The following STXBP5L variants were observed in gnomAD, a reference collection of about 807,000 sequenced individuals.
STXBP5L encodes syntaxin-binding protein 5-like.
STXBP5L carries 65 observed loss-of-function variants against 144.5 expected under a neutral mutation model. That is an observed-to-expected ratio of 0.45 (90% confidence interval 0.37 to 0.55). STXBP5L has a LOEUF of 0.55. STXBP5L is among the 20% of genes least tolerant of loss of function. The pLI, the probability that STXBP5L is intolerant of heterozygous loss-of-function variation, is 0.00. For missense variants in STXBP5L, 1,298 were observed against 1,405.5 expected, an observed-to-expected ratio of 0.92 and a Z score of 1.22; for synonymous variants, 505 against 469.6, an observed-to-expected ratio of 1.08 and a Z score of -0.97.
At chr3:121,149,566 A>G (rs1309960847) in intron 7 of STXBP5L, among the ~76,000 whole-genome samples, 6 of 152,060 alleles carry the variant, frequency 3.9e-5, no homozygotes, top group Admixed American at 3.9e-4. Flanking sequence ...ATGATAATAT[A>G]TCTGGAATGG....
At chr3:121,185,655 A>G (rs1431156771) in intron 9 of STXBP5L, among the ~76,000 whole-genome samples, 1 of 152,088 alleles carries the variant, frequency 6.6e-6, no homozygotes, top group East Asian at 1.9e-4. Context: ...CCATTGGTGT[A>G]TATCTCTGTT....
At chr3:121,193,989 TAAA>T (rs1468333314) in intron 9 of STXBP5L, among the ~76,000 whole-genome samples, 2 of 131,162 alleles carry the variant, frequency 1.5e-5, no homozygotes, top group African/African-American at 5.7e-5. Context: ...ATAATAATAA[TAAA>T]AAGAAATTTT....
At chr3:121,103,766 G>A (rs560191390) in intron 5 of STXBP5L, among the ~76,000 whole-genome samples, 10 of 152,262 alleles carry the variant, frequency 6.6e-5, no homozygotes, top group Admixed American at 6.5e-4. Flanking sequence ...AATGACTTCT[G>A]TTGGTTAAGA....
chr3:121,369,559 G>T (rs1369703589), intron 20 of STXBP5L, among the ~76,000 whole-genome samples: 1 of 149,776 alleles, frequency 6.7e-6, no homozygotes, highest in Non-Finnish European at 1.5e-5. Flanking sequence ...GTGGTGTCGT[G>T]GTTCTTTGAT....
chr3:121,351,534 G>C (rs1272699157), intron 20 of STXBP5L, among the ~76,000 whole-genome samples: 1 of 152,086 alleles, frequency 6.6e-6, no homozygotes, highest in Non-Finnish European at 1.5e-5. Context: ...TTTTGATGGG[G>C]TTGTTTGTTT....
chr3:121,171,953 A>G (rs2046735644), intron 9 of STXBP5L, among the ~76,000 whole-genome samples: 1 of 152,230 alleles, frequency 6.6e-6, no homozygotes, highest in Admixed American at 6.5e-5. Flanking sequence ...TTCAAACTAT[A>G]CTACAAGGCT....
intron 5 of STXBP5L, among the ~76,000 whole-genome samples, chr3:121,080,519 G>T (rs1415125821): frequency 3.9e-5 from 6 of 152,154 alleles, no homozygotes. Context: ...TGGTGTGGTA[G>T]TGGCAAATTC....
At chr3:121,347,092 C>T (rs1298936174) in intron 20 of STXBP5L, among the ~76,000 whole-genome samples, 1 of 152,126 alleles carries the variant, frequency 6.6e-6, no homozygotes, top group Non-Finnish European at 1.5e-5. Flanking sequence ...TTAGGTCTAA[C>T]ATTTAAGTCT....
chr3:120,949,022 C>G (rs1300848855), intron 2 of STXBP5L, among the ~76,000 whole-genome samples: 1 of 151,932 alleles, frequency 6.6e-6, no homozygotes, highest in Non-Finnish European at 1.5e-5. Flanking sequence ...TATATTCCCA[C>G]CAGCAGTGTA....
At chr3:121,364,132 G>A (rs2045797850) in intron 20 of STXBP5L, among the ~76,000 whole-genome samples, 1 of 151,984 alleles carries the variant, frequency 6.6e-6, no homozygotes, top group African/African-American at 2.4e-5. Context: ...ATTAACTTTT[G>A]CCCTTTGTAG....
chr3:121,122,528 G>A (rs1240287234), intron 7 of STXBP5L, among the ~76,000 whole-genome samples: 1 of 151,406 alleles, frequency 6.6e-6, no homozygotes, highest in East Asian at 1.9e-4. Context: ...GGGTACACAA[G>A]AGGACCAATG....
intron 3 of STXBP5L, among the ~76,000 whole-genome samples, chr3:121,007,587 A>T (rs925957938): frequency 1.3e-5 from 2 of 152,028 alleles, no homozygotes; most frequent in Non-Finnish European, 2.9e-5. Context: ...TCTCCTCAGG[A>T]ATGAGATATT....
intron 11 of STXBP5L, among the ~76,000 whole-genome samples, chr3:121,230,258 A>G (rs1233942151): frequency 1.3e-5 from 2 of 152,218 alleles, no homozygotes; most frequent in Non-Finnish European, 2.9e-5. Context: ...AAGTCAAATA[A>G]TTCAGAGGAC....
chr3:121,255,561 A>G (rs933848957), intron 16 of STXBP5L, among the ~76,000 whole-genome samples: 31 of 152,090 alleles, frequency 2.0e-4, no homozygotes, highest in Middle Eastern at 3.4e-3. Flanking sequence ...ATAGTTATTG[A>G]TTTATTTTTG....
At chr3:121,064,520 A>G (rs756228444) in intron 5 of STXBP5L, among the ~76,000 whole-genome samples, 12 of 152,180 alleles carry the variant, frequency 7.9e-5, no homozygotes, top group Non-Finnish European at 1.6e-4. Flanking sequence ...GAATCTATAG[A>G]TCATTTTCGG....
At chr3:121,194,491 T>C (rs2047840972) in intron 9 of STXBP5L, among the ~76,000 whole-genome samples, 1 of 140,794 alleles carries the variant, frequency 7.1e-6, no homozygotes, top group African/African-American at 2.6e-5. Flanking sequence ...GCTATGATCA[T>C]GCCACTGCAC....
At chr3:121,158,458 A>C (rs1354719440) in intron 9 of STXBP5L, 1 of 152,156 alleles carries the variant, frequency 6.6e-6, no homozygotes, top group Admixed American at 6.6e-5. Context: ...TCTTAGAATT[A>C]TTTCATGCTG....
chr3:121,383,163 G>A (rs2046356524), intron 22 of STXBP5L, among the ~76,000 whole-genome samples: 1 of 151,974 alleles, frequency 6.6e-6, no homozygotes, highest in Non-Finnish European at 1.5e-5. Context: ...ATTGCTGGGT[G>A]CAGTGGCTCA....
At chr3:121,266,128 T>C (rs192873617) in intron 18 of STXBP5L, among the ~76,000 whole-genome samples, 74 of 152,326 alleles carry the variant, frequency 4.9e-4, no homozygotes, top group Non-Finnish European at 8.2e-4. Context: ...ACTCATTTTA[T>C]GTGGCCAGCA....
Sources: allele counts gnomAD v4.1 joint callset (sites outside exome capture counted in the v4.1 genomes callset), GRCh38; gene constraint gnomAD v4.1.1; transcripts MANE v1.5; gene names NCBI Gene and HGNC (gene_info 2026-07-23, HGNC 2026-07-21).